RGS6: variants seen among roughly 807,000 people sequenced by gnomAD.
RGS6 encodes regulator of G protein signaling 6.
RGS6 carries 30 observed loss-of-function variants against 78.5 expected under a neutral mutation model. The observed-to-expected ratio is 0.38, with a 90% CI of 0.29 to 0.52. RGS6 has a LOEUF of 0.52. Among genes scored for constraint, RGS6 ranks in the 20% least tolerant of loss-of-function variants. RGS6 has a pLI of 0.85. For synonymous variants in RGS6, 206 were observed against 206.0 expected, an observed-to-expected ratio of 1.00 and a Z score of 0.00; for missense variants, 495 against 609.7, an observed-to-expected ratio of 0.81 and a Z score of 1.98.
intron 2 of RGS6, among the ~76,000 whole-genome samples, chr14:72,328,498 G>A (rs2074288587): frequency 6.6e-6 from 1 of 152,144 alleles, no homozygotes; most frequent in Admixed American, 6.5e-5. Flanking sequence ...TGAAACAATG[G>A]CCCAAATCAC....
chr14:72,453,480 G>T (rs1174588620), intron 3 of RGS6, among the ~76,000 whole-genome samples: 1 of 148,966 alleles, frequency 6.7e-6, no homozygotes, highest in Non-Finnish European at 1.5e-5. Context: ...GCCGGGCGTA[G>T]TGGCAGGCGC....
intron 13 of RGS6, among the ~76,000 whole-genome samples, chr14:72,495,578 A>G (rs747502497): frequency 8.5e-5 from 13 of 152,206 alleles, no homozygotes; most frequent in Non-Finnish European, 1.5e-4. Flanking sequence ...GACAGCAACA[A>G]TAATGATAAT....
At chr14:72,388,935 TGTAA>T (rs2089150305) in intron 3 of RGS6, among the ~76,000 whole-genome samples, 1 of 151,614 alleles carries the variant, frequency 6.6e-6, no homozygotes, top group Admixed American at 6.6e-5. Flanking sequence ...AGCTGTATAC[TGTAA>T]GTGATTCCCA....
intron 3 of RGS6, among the ~76,000 whole-genome samples, chr14:72,417,308 G>A (rs1285140267): frequency 6.6e-6 from 1 of 152,214 alleles, no homozygotes; most frequent in African/African-American, 2.4e-5. Flanking sequence ...CCCCCACCAA[G>A]TCAGCCTAGG....
At chr14:72,360,522 A>C (rs2081240777) in intron 3 of RGS6, among the ~76,000 whole-genome samples, 1 of 151,580 alleles carries the variant, frequency 6.6e-6, no homozygotes, top group Non-Finnish European at 1.5e-5. Flanking sequence ...ACTCTGTCTC[A>C]AACAAACAAA....
intron 2 of RGS6, among the ~76,000 whole-genome samples, chr14:72,261,420 G>A (rs2058130213): frequency 6.6e-6 from 1 of 152,064 alleles, no homozygotes; most frequent in Non-Finnish European, 1.5e-5. Context: ...AGTTGGATAT[G>A]AGATTGAAGT....
At chr14:72,354,407 C>T (rs967491762) in intron 3 of RGS6, among the ~76,000 whole-genome samples, 1 of 151,506 alleles carries the variant, frequency 6.6e-6, no homozygotes, top group Non-Finnish European at 1.5e-5. Flanking sequence ...GGGTGGATCA[C>T]CTGAGGTCAG....
chr14:71,929,276 T>G (rs1011482250), upstream of RGS6, among the ~76,000 whole-genome samples: 2 of 152,244 alleles, frequency 1.3e-5, no homozygotes, highest in Admixed American at 1.3e-4. Flanking sequence ...CATTTAGTTG[T>G]CTCATCTCTT....
intron 3 of RGS6, among the ~76,000 whole-genome samples, chr14:72,388,462 T>G (rs1213989692): frequency 6.6e-6 from 1 of 152,162 alleles, no homozygotes; most frequent in Non-Finnish European, 1.5e-5. Flanking sequence ...GTGCAAGAGT[T>G]AACATTTTAT....
intron 2 of RGS6, among the ~76,000 whole-genome samples, chr14:72,044,406 C>T (rs1244383739): frequency 6.6e-6 from 1 of 152,166 alleles, no homozygotes; most frequent in African/African-American, 2.4e-5. Context: ...TGACAGGCAC[C>T]ATTCAGTCAG....
At chr14:72,416,359 T>C (rs28517545) in intron 3 of RGS6, among the ~76,000 whole-genome samples, 24,699 of 152,094 alleles carry the variant, frequency 0.16, 2,613 homozygotes, top group African/African-American at 0.29. Flanking sequence ...CTTTTCTTCT[T>C]GTCCCCTGCT....
chr14:71,968,164 T>A (rs1282442933), intron 2 of RGS6, among the ~76,000 whole-genome samples: 1 of 152,202 alleles, frequency 6.6e-6, no homozygotes, highest in Non-Finnish European at 1.5e-5. Context: ...CCTGAGTTAC[T>A]GAATTGCCCA....
At chr14:72,561,535 G>A (rs950349969) in intron 17 of RGS6, among the ~76,000 whole-genome samples, 4 of 152,196 alleles carry the variant, frequency 2.6e-5, no homozygotes, top group Admixed American at 6.5e-5. Flanking sequence ...AGCCTCGCTC[G>A]TGCCCCTCAC....
chr14:72,302,953 G>A (rs986629444), intron 2 of RGS6, among the ~76,000 whole-genome samples: 2 of 152,198 alleles, frequency 1.3e-5, no homozygotes, highest in Non-Finnish European at 2.9e-5. Context: ...CTGTTCCCCT[G>A]TACGTGCTCT....
Position 71,964,838 on chromosome 14 carries a change from C to T in RGS6, c.47C>T (p.Pro16Leu), listed in dbSNP as rs200193982. 66 of 1,613,846 alleles carry T rather than the reference C, an allele frequency of 4.1e-5. No homozygotes were observed. The Admixed American group carries it at 9.7e-4, about 24-fold the overall frequency. The change falls in exon 2 of 18, where the codon CCA becomes CTA. Residue 16 changes from proline to leucine, a missense_variant. By Grantham distance (98) the Pro-to-Leu change is moderately conservative. Coordinates refer to ENST00000553525, the MANE Select transcript of RGS6 (RefSeq NM_001204424.2). ...CAAAGAGCAGTGGGGGTTGCTGACCCAGAGGAGAGTTCTCCAAACATGATC... is the reference window on the plus strand; with the variant it reads ...CAAAGAGCAGTGGGGGTTGCTGACCTAGAGGAGAGTTCTCCAAACATGATC... ...GDQRAVGVAD[P>L]EESSPNMIVY...
intron 14 of RGS6, among the ~76,000 whole-genome samples, chr14:72,517,527 T>G (rs1469677357): frequency 6.6e-6 from 1 of 152,218 alleles, no homozygotes; most frequent in Non-Finnish European, 1.5e-5. Flanking sequence ...AATACGGAAG[T>G]GAGCAGATTT....
At chr14:72,536,163 C>T (rs1032331297) in intron 15 of RGS6, 23 bp from the exon 16 acceptor site, 2 of 1,582,562 alleles carry the variant, frequency 1.3e-6, no homozygotes, top group African/African-American at 2.7e-5. Flanking sequence ...TTCCTTGTGT[C>T]TCCTTGTCAC....
chr14:71,875,319 A>G, the RGS6 span, among the ~76,000 whole-genome samples: 1 of 152,174 alleles, frequency 6.6e-6, no homozygotes, highest in Non-Finnish European at 1.5e-5. Context: ...CCTCAATTTC[A>G]GATCCTGTTA....
chr14:72,337,090 A>C (rs1175141620), intron 2 of RGS6, among the ~76,000 whole-genome samples: 1 of 152,102 alleles, frequency 6.6e-6, no homozygotes, highest in Non-Finnish European at 1.5e-5. Context: ...GTCCATAACA[A>C]GGGGATTCCC....
Sources: gnomAD v4.1 joint callset for allele counts (sites outside exome capture counted in the v4.1 genomes callset) on GRCh38, gnomAD v4.1.1 for gene constraint, MANE v1.5 for transcripts, NCBI Gene and HGNC (gene_info 2026-07-23, HGNC 2026-07-21) for gene names.